Variants in C1orf198 observed in about 807,000 individuals in gnomAD.
The protein encoded by C1orf198 is chromosome 1 open reading frame 198.
Under a neutral mutation model 31.4 loss-of-function variants are expected in C1orf198, and 17 were observed. That is an observed-to-expected ratio of 0.54 (90% CI 0.37 to 0.81). The LOEUF (loss-of-function observed/expected upper bound fraction) is 0.81. Among genes scored for constraint, C1orf198 ranks in the 40% least tolerant of loss-of-function variants. The pLI is 0.00. For missense variants in C1orf198, 401 were observed against 450.3 expected, an observed-to-expected ratio of 0.89 and a Z score of 0.99; for synonymous variants, 175 against 193.8, an observed-to-expected ratio of 0.90 and a Z score of 0.81.
In C1orf198 at chr1:230,843,244, A is replaced by C. The variant is rs1189327579; in HGVS notation, c.927+110T>G. ...CTGAGGAAGAGGCAGGGGAAGGAGAAGAAAAAGAGCATGGGCACCTGTGGC... is the reference window on the plus strand; with the variant it reads ...CTGAGGAAGAGGCAGGGGAAGGAGACGAAAAAGAGCATGGGCACCTGTGGC... On this transcript the variant is annotated intron_variant, in intron 3 of 3. Coordinates refer to ENST00000366663, the MANE Select transcript of C1orf198 (RefSeq NM_032800.3). The surrounding 1 kb of genome is among the most constrained non-coding windows in gnomAD (Gnocchi z 4.9). 7.8e-7 allele frequency: 1 copy of C among 1,289,554 alleles called. No individual in the cohort carries two copies. Among genetic ancestry groups the C allele is most frequent in the African/African-American group, 1.5e-5 (1 of 65,642 alleles). The allele number at this position is 1,289,554 out of a possible 1,614,324, so 79.9% of individuals were successfully genotyped here. A position where few individuals can be genotyped will look rare whatever the true frequency, so the allele number is the denominator to read the frequency against.
At chr1:230,847,430 G>A (rs972191957) in intron 2 of C1orf198, among the ~76,000 whole-genome samples, 69 of 152,186 alleles carry the variant, frequency 4.5e-4, no homozygotes, top group Admixed American at 1.7e-3. Context: ...ATGGAGAATC[G>A]GAGTGATGAA....
At chr1:230,848,910 A>T (rs1207557824) in intron 2 of C1orf198, among the ~76,000 whole-genome samples, 2 of 152,174 alleles carry the variant, frequency 1.3e-5, no homozygotes, top group Non-Finnish European at 2.9e-5. Context: ...GGGGAGATCA[A>T]GCCCATCTCT....
intron 2 of C1orf198, among the ~76,000 whole-genome samples, chr1:230,846,279 T>C (rs1373839114): frequency 6.6e-6 from 1 of 152,246 alleles, no homozygotes; most frequent in African/African-American, 2.4e-5. Flanking sequence ...GTAGCATTTT[T>C]AGTCACTGAG....
At chr1:230,868,094 G>T in intron 1 of C1orf198, 86 bp downstream of exon 1, 1 of 1,251,756 alleles carries the variant, frequency 8.0e-7, no homozygotes, top group Non-Finnish European at 1.0e-6. Flanking sequence ...CAGCTGGGGC[G>T]GCCTCACGCC....
chr1:230,853,150 A>C (rs1669787089), intron 2 of C1orf198, among the ~76,000 whole-genome samples: 1 of 152,216 alleles, frequency 6.6e-6, no homozygotes, highest in Non-Finnish European at 1.5e-5. Context: ...CCAACGGAAG[A>C]ACAGTCCAGC....
chr1:230,854,163 G>A (rs1669808950), intron 2 of C1orf198, among the ~76,000 whole-genome samples: 1 of 152,144 alleles, frequency 6.6e-6, no homozygotes, highest in African/African-American at 2.4e-5. Flanking sequence ...TTATCACTAT[G>A]ATATCTTCAA....
chr1:230,852,552 T>C (rs897317387), intron 2 of C1orf198, among the ~76,000 whole-genome samples: 3 of 152,226 alleles, frequency 2.0e-5, no homozygotes, highest in Non-Finnish European at 4.4e-5. Flanking sequence ...ATTTTTCATT[T>C]GTCAATTAAA....
intron 2 of C1orf198, among the ~76,000 whole-genome samples, chr1:230,849,886 A>T (rs1669696591): frequency 6.6e-6 from 1 of 152,126 alleles, no homozygotes; most frequent in African/African-American, 2.4e-5. Flanking sequence ...GATACTAAAA[A>T]CCTTTAGAAT....
chr1:230,856,238 C>T (rs1193007063), intron 1 of C1orf198: 1 of 153,502 alleles, frequency 6.5e-6, no homozygotes, highest in East Asian at 1.9e-4. Flanking sequence ...GAGCTCCCCT[C>T]CTCCCCAACA....
intron 1 of C1orf198, among the ~76,000 whole-genome samples, chr1:230,862,939 G>C (rs1670033278): frequency 1.3e-5 from 2 of 152,172 alleles, no homozygotes; most frequent in African/African-American, 4.8e-5. Context: ...GAGGCAATGA[G>C]AACTTTGTAC....
rs1487800174 is a variant in C1orf198 at position 230,847,740 on chromosome 1, T to C, written c.385-3844A>G. ...CAGAAAGACTGTGGGATAGAGATGA[T>C]AGTTTCTTGAAATAGGCAAATCACT... On this transcript the variant is annotated intron_variant, in intron 2 of 3. Transcript: ENST00000366663. Among the ~76,000 whole-genome samples, 8 of 152,350 alleles carry C rather than the reference T, an allele frequency of 5.3e-5. No homozygotes were observed. In the East Asian group the frequency reaches 7.7e-4, roughly 15 times the overall value.
At position 230,839,765 on chromosome 1, in the gene C1orf198, TAG is replaced by T; in HGVS notation, c.*85_*86del. On this transcript the variant is annotated 3_prime_UTR_variant, in exon 4 of 4. Coordinates refer to ENST00000366663, the MANE Select transcript of C1orf198 (RefSeq NM_032800.3). Reference sequence around the variant, plus strand: ...AGTGTCAAGAAACCAGTAAAATACATAGGAAAAGGTGGCCCTTTTTATCCTCC... The same window carrying T: ...AGTGTCAAGAAACCAGTAAAATACATGAAAAGGTGGCCCTTTTTATCCTCC... 2.7e-6 allele frequency: 3 copies of T among 1,121,998 alleles called. 1 individual carries two copies. Among genetic ancestry groups the T allele is most frequent in the Non-Finnish European group, 3.9e-6 (3 of 776,892 alleles). The allele number at this position is 1,121,998 out of a possible 1,614,324, so 69.5% of individuals were successfully genotyped here.
At chr1:230,854,813 G>A (rs553945537) in intron 2 of C1orf198, among the ~76,000 whole-genome samples, 1 of 152,230 alleles carries the variant, frequency 6.6e-6, no homozygotes, top group South Asian at 2.1e-4. Flanking sequence ...GTCTCCTGCT[G>A]GGATGAGGGC....
chr1:230,847,278 CAAA>C (rs11320938), intron 2 of C1orf198, among the ~76,000 whole-genome samples: 2 of 91,222 alleles, frequency 2.2e-5, no homozygotes, highest in Non-Finnish European at 2.5e-5. Context: ...GACTCTGTCT[CAAA>C]AAAAAAAAAA....
At position 230,843,817 on chromosome 1, in the gene C1orf198, A is replaced by G. The variant is rs143886432; in HGVS notation, c.464T>C (p.Leu155Pro). ...NGTAASEPRP[L>P]SKASQGSQAL... The stretch of plus-strand genomic sequence containing the variant: ...CTGGGAGCCCTGGGAAGCTTTGGAC[A>G]GTGGTCTGGGCTCGCTGGCGGCGGT... Residue 155 changes from leucine (L) to proline (P), a missense_variant, in exon 3 of 4, where the codon CTG (leucine) becomes CCG (proline). Physicochemically the swap from Leu to Pro is moderately conservative, Grantham distance 98. Coordinates refer to ENST00000366663, the MANE Select transcript of C1orf198 (RefSeq NM_032800.3). This position sits in a 1 kb window ranked among gnomAD's most constrained non-coding sequence, Gnocchi z 4.9. The G allele has an allele frequency of 1.3e-6, 2 of 1,592,412 alleles. No homozygotes were observed. The highest frequency in any genetic ancestry group is 2.7e-5 in the African/African-American group (2 of 74,238).
At position 230,857,916 on chromosome 1, in the gene C1orf198, G is replaced by T. The variant is rs1353259195; in HGVS notation, c.334-2198C>A. ...TGACCCCCATCCTCAGAGTGTTACA[G>T]TCACTGTCCTGTAATGGTATTTGCT... is the stretch of plus-strand genomic sequence containing the variant. On this transcript the variant is annotated intron_variant, in intron 1 of 3. Transcript: ENST00000366663. The surrounding 1 kb of genome is among the most constrained non-coding windows in gnomAD (Gnocchi z 4.2). 6.6e-6 allele frequency among the ~76,000 whole-genome samples: 1 copy of T among 152,246 alleles called. No homozygotes were observed. Among genetic ancestry groups the T allele is most frequent in the African/African-American group, 2.4e-5 (1 of 41,464 alleles).
rs1670173690 is a variant in C1orf198, at chr1:230,868,390, C to T, written c.123G>A (p.Arg41=). 2 of 1,598,606 alleles carry T rather than the reference C, an allele frequency of 1.3e-6. No individual in the cohort carries two copies. Among genetic ancestry groups the T allele is most frequent in the Admixed American group, 3.4e-5 (2 of 58,906 alleles). Residue 41 remains arginine (R), a synonymous_variant, in exon 1 of 4, where the codon AGG becomes AGA. Transcript: ENST00000366663. ...TCTTCTCCTTGTCCTGCATGATCTT[C>T]CTGGCCATGGGGCTCAGCGACGAGA... ...TYFSSLSPMA[R]KIMQDKEKIR... is the part of the protein sequence containing the mutation.
chr1:230,840,607 A>G lies in C1orf198; in HGVS notation c.928-699T>C, dbSNP rs1669414891. On this transcript the variant is annotated intron_variant, in intron 3 of 3. Transcript: ENST00000366663. The surrounding 1 kb of genome is among the most constrained non-coding windows in gnomAD (Gnocchi z 4.0). ...CTCAAGCTGCTGCTGTTTTCATAAA[A>G]CTTCTGACTGGCTTCCACTCAGCAG... 6.6e-6 allele frequency among the ~76,000 whole-genome samples: 1 copy of G among 152,072 alleles called. No homozygotes were observed. Among genetic ancestry groups the G allele is most frequent in the Admixed American group, 6.6e-5 (1 of 15,264 alleles).
chr1:230,867,107 T>C (rs1463762506), intron 1 of C1orf198, among the ~76,000 whole-genome samples: 1 of 152,036 alleles, frequency 6.6e-6, no homozygotes, highest in East Asian at 1.9e-4. Flanking sequence ...TCGGAAAAAA[T>C]CTCTCCCAGC....
Sources: gnomAD v4.1 joint callset for allele counts (sites outside exome capture counted in the v4.1 genomes callset) on GRCh38, gnomAD v4.1.1 for gene constraint, Gnocchi (gnomAD v3.1) non-coding constraint, MANE v1.5 for transcripts, NCBI Gene and HGNC (gene_info 2026-07-23, HGNC 2026-07-21) for gene names.